Variants in ZMYM1 observed in about 807,000 individuals in gnomAD.
ZMYM1 encodes the protein zinc finger MYM-type protein 1.
ZMYM1 carries 39 observed loss-of-function variants against 60.0 expected under a neutral mutation model. That is an observed-to-expected ratio of 0.65 (90% CI 0.50 to 0.85). ZMYM1 has a LOEUF of 0.85. Among genes scored for constraint, ZMYM1 ranks in the 40% least tolerant of loss-of-function variants. The probability of loss-of-function intolerance (pLI) is 0.00; values close to 1 mark genes in which losing one functional copy is unlikely to be tolerated. For missense variants in ZMYM1, 1,171 were observed against 1,309.5 expected (o/e 0.89, Z 1.63); for synonymous variants, 413 against 454.0 (o/e 0.91, Z 1.15).
Position 35,066,853 on chromosome 1 carries a change from A to G in ZMYM1, c.-301+6928A>G, listed in dbSNP as rs1314807063. On this transcript the variant is annotated intron_variant, in intron 1 of 10. Coordinates refer to the ZMYM1 transcript ENST00000417119. ...CAACATAGCAAGACCCCATCTCAAA[A>G]AAAAATCTCAGCAGAATTTTTTTGT... Among the ~76,000 whole-genome samples, 3 of 152,208 alleles carry G rather than the reference A, an allele frequency of 2.0e-5. 1 individual carries two copies. The highest frequency in any genetic ancestry group is 1.5e-5 in the Non-Finnish European group (1 of 68,040).
At chr1:35,086,395 C>A (rs760354420) in intron 1 of ZMYM1, among the ~76,000 whole-genome samples, 1 of 152,006 alleles carries the variant, frequency 6.6e-6, no homozygotes, top group African/African-American at 2.4e-5. Context: ...ACCTCTGCCT[C>A]CCAGGTTCAG....
At position 35,113,007 on chromosome 1, in the gene ZMYM1, A is replaced by G. The variant is rs755166193; in HGVS notation, c.1177A>G (p.Asn393Asp). The G allele has an allele frequency of 1.4e-5, 23 of 1,599,512 alleles. No homozygotes were observed. The African/African-American group carries it at 3.0e-4, about 21-fold the overall frequency. Reference sequence around the variant, plus strand: ...TAAGAGTTCACCTAGTGAACCCAGTAATGCTGTTGCTAGTAGTAGTACGGA... The same window carrying G: ...TAAGAGTTCACCTAGTGAACCCAGTGATGCTGTTGCTAGTAGTAGTACGGA... Reference protein sequence around the residue: ...LSKSSPSEPSNAVASSSTEQP... With the variant: ...LSKSSPSEPSDAVASSSTEQP... The change falls in exon 10 of 10, where the codon AAT (asparagine) becomes GAT (aspartate). Residue 393 changes from asparagine to aspartate, a missense_variant. Coordinates refer to ENST00000359858, the MANE Select transcript of ZMYM1 (RefSeq NM_024772.5).
downstream of ZMYM1, among the ~76,000 whole-genome samples, chr1:35,117,751 A>G (rs1371357255): frequency 1.3e-5 from 2 of 151,842 alleles, no homozygotes; most frequent in Non-Finnish European, 2.9e-5. Context: ...GACCAGCCTG[A>G]CTAACATGGA....
At chr1:35,060,886 CT>C (rs1256137822) in intron 1 of ZMYM1, among the ~76,000 whole-genome samples, 1 of 152,224 alleles carries the variant, frequency 6.6e-6, no homozygotes, top group Non-Finnish European at 1.5e-5. Flanking sequence ...CTTGAAACTC[CT>C]GTCCTAGCTC....
upstream of ZMYM1, among the ~76,000 whole-genome samples, chr1:35,074,445 T>C (rs1642129801): frequency 6.6e-6 from 1 of 152,076 alleles, no homozygotes; most frequent in Non-Finnish European, 1.5e-5. Flanking sequence ...TTTGAGACTC[T>C]GTCACCAGGC....
rs563036102 is a variant in ZMYM1 at position 35,071,084 on chromosome 1, G to A, written c.-300-7910G>A. Among the ~76,000 whole-genome samples, 19 of 151,868 alleles carry A rather than the reference G, an allele frequency of 1.3e-4. 1 individual carries two copies. The South Asian group carries it at 3.7e-3, about 30-fold the overall frequency. ...ATATTTTTAGTAGAGATGGGGTTTC[G>A]CCATGTTGGCCAGGCTGTTCTCAAA... On this transcript the variant is annotated intron_variant, in intron 1 of 10. Coordinates refer to the ZMYM1 transcript ENST00000417119.
At chr1:35,104,806 G>C (rs1272993711) in intron 6 of ZMYM1, 37 bp downstream of exon 6, 1 of 1,552,910 alleles carries the variant, frequency 6.4e-7, no homozygotes, top group Non-Finnish European at 8.9e-7. Flanking sequence ...CTATTAACTG[G>C]CCTATGAATG....
chr1:35,113,335 A>T lies in ZMYM1; in HGVS notation c.1505A>T (p.Asn502Ile). ...TCATTTGCAACCCACGGAACTTCTA[A>T]TTGGAAAAAAACCCTGGAAAAATTC... Reference protein sequence around the residue: ...RESFATHGTSNWKKTLEKFRK... With the variant: ...RESFATHGTSIWKKTLEKFRK... The change falls in exon 10 of 10, where the codon AAT (asparagine) becomes ATT (isoleucine). Residue 502 changes from asparagine to isoleucine, a missense_variant. Asn to Ile is a moderately radical substitution (Grantham distance 149). Transcript: ENST00000359858. 8 of 1,612,966 alleles carry T rather than the reference A, an allele frequency of 5.0e-6. No homozygotes were observed. Among genetic ancestry groups the T allele is most frequent in the Non-Finnish European group, 6.8e-6 (8 of 1,179,618 alleles).
At chr1:35,066,748 T>C (rs555081864) in intron 1 of ZMYM1, among the ~76,000 whole-genome samples, 13 of 152,240 alleles carry the variant, frequency 8.5e-5, no homozygotes, top group African/African-American at 3.1e-4. Flanking sequence ...TAATTGCACC[T>C]GTTGCACCTA....
chr1:35,115,186 T>C lies in ZMYM1; in HGVS notation c.3356T>C (p.Val1119Ala). 6.2e-7 allele frequency: 1 copy of C among 1,612,734 alleles called. No individual in the cohort carries two copies. The highest frequency in any genetic ancestry group is 8.5e-7 in the Non-Finnish European group (1 of 1,179,678). The change falls in exon 10 of 10, where the codon GTA becomes GCA. Residue 1119 changes from valine (V) to alanine (A), a missense_variant. Physicochemically the swap from Val to Ala is moderately conservative, Grantham distance 64 (BLOSUM62 0). Coordinates refer to ENST00000359858, the MANE Select transcript of ZMYM1 (RefSeq NM_024772.5). ...CTAATGGCTGTTGAGCAGGAGTTGG[T>C]AAATAAACTAATGGAGCCTGAAAGA... ...PALMAVEQEL[V>A]NKLMEPERLN...
Position 35,115,155 on chromosome 1 carries a change from C to T in ZMYM1, c.3325C>T (p.Pro1109Ser). ...NTMGQEKLTG[P>S]ALMAVEQELV... ...CATGGGACAAGAGAAGCTTACTGGCCCAGCCCTAATGGCTGTTGAGCAGGA... is the reference window on the plus strand; with the variant it reads ...CATGGGACAAGAGAAGCTTACTGGCTCAGCCCTAATGGCTGTTGAGCAGGA... Residue 1109 changes from proline (P) to serine (S), a missense_variant, in exon 10 of 10, where the codon CCA (proline) becomes TCA (serine). By Grantham distance (74) the Pro-to-Ser change is moderately conservative (BLOSUM62 -1). Transcript: ENST00000359858. 1.9e-6 allele frequency: 3 copies of T among 1,614,012 alleles called. No homozygotes were observed. Among genetic ancestry groups the T allele is most frequent in the Non-Finnish European group, 2.5e-6 (3 of 1,179,962 alleles).
chr1:35,082,496 A>T (rs1642440521), intron 1 of ZMYM1, among the ~76,000 whole-genome samples: 2 of 151,154 alleles, frequency 1.3e-5, no homozygotes, highest in Admixed American at 1.3e-4. Flanking sequence ...ATACCCAGCT[A>T]ATTTTTGTAT....
At chr1:35,076,489 C>T (rs912152976), upstream of ZMYM1, among the ~76,000 whole-genome samples, 4 of 148,926 alleles carry the variant, frequency 2.7e-5, no homozygotes, top group East Asian at 2.0e-4. Flanking sequence ...GGCATGGTGG[C>T]GCATGCCTGT....
intron 1 of ZMYM1, among the ~76,000 whole-genome samples, chr1:35,066,314 C>T (rs1023915464): frequency 1.3e-5 from 2 of 152,236 alleles, no homozygotes; most frequent in Non-Finnish European, 2.9e-5. Flanking sequence ...TCTCCTGCCT[C>T]AGCCTCCCAA....
At chr1:35,075,873 T>C (rs1642158005), upstream of ZMYM1, among the ~76,000 whole-genome samples, 2 of 152,184 alleles carry the variant, frequency 1.3e-5, no homozygotes, top group Admixed American at 1.3e-4. Context: ...AGATAAAAGC[T>C]ACATTTCTTT....
At position 35,110,431 on chromosome 1, in the gene ZMYM1, G is replaced by A; in HGVS notation, c.945G>A (p.Lys315=). The A allele has an allele frequency of 6.6e-7, 1 of 1,517,080 alleles. No individual in the cohort carries two copies. Among genetic ancestry groups the A allele is most frequent in the Non-Finnish European group, 8.8e-7 (1 of 1,136,242 alleles). 94.0% of individuals were successfully genotyped at this position (1,517,080 alleles called of 1,614,324 possible). A position where few individuals can be genotyped will look rare whatever the true frequency, so the allele number is the denominator to read the frequency against. Residue 315 remains lysine (K), a synonymous_variant, in exon 7 of 10, where the codon AAG becomes AAA. Transcript: ENST00000359858. ...INCFSAYSKA[K]MESSSVSVVS... The stretch of plus-strand genomic sequence containing the variant: ...GTTTCTCTGCATACAGTAAAGCTAA[G>A]ATGGAATCTTCTTCAGGTAATGTTT...
intron 4 of ZMYM1, among the ~76,000 whole-genome samples, chr1:35,098,782 C>T (rs989059060): frequency 6.6e-6 from 1 of 152,124 alleles, no homozygotes; most frequent in Non-Finnish European, 1.5e-5. Flanking sequence ...TGGCATGCAC[C>T]TGTAATCCCA....
chr1:35,061,077 G>A (rs10908322), intron 1 of ZMYM1, among the ~76,000 whole-genome samples: 30,526 of 152,132 alleles, frequency 0.2, 7,058 homozygotes, highest in African/African-American at 0.55. Context: ...CCAGGCCTAA[G>A]TCTGTCAGCA....
rs550732796 is a variant in ZMYM1, at chr1:35,111,956, C to T, written c.1102+44C>T. On this transcript the variant is annotated intron_variant, in intron 8 of 9. Coordinates refer to ENST00000359858, the MANE Select transcript of ZMYM1 (RefSeq NM_024772.5). ...ATATTTGACATAAATATTGTTTTGT[C>T]ATACTTGATAAATCTGTCTATATGC... The T allele has an allele frequency of 5.1e-5, 79 of 1,559,456 alleles. 1 individual carries two copies. The South Asian group carries it at 9.0e-4, about 18-fold the overall frequency.
Sources: allele counts gnomAD v4.1 joint callset (sites outside exome capture counted in the v4.1 genomes callset), GRCh38; gene constraint gnomAD v4.1.1; transcripts MANE v1.5; gene names NCBI Gene and HGNC (gene_info 2026-07-23, HGNC 2026-07-21).